The following WWOX variants were observed in gnomAD, a reference collection of about 807,000 sequenced individuals.
The protein encoded by WWOX is WW domain containing oxidoreductase.
WWOX carries 69 observed loss-of-function variants against 46.2 expected under a neutral mutation model. That is an observed-to-expected ratio of 1.49 (90% CI 1.23 to 1.82). The LOEUF (loss-of-function observed/expected upper bound fraction) is 1.82, where lower values mean the gene tolerates loss of function less well. Among genes scored for constraint, WWOX ranks in the 40% most tolerant of loss-of-function variants. WWOX has a pLI of 0.00. For synonymous variants in WWOX, 359 were observed against 202.6 expected, an observed-to-expected ratio of 1.77 and a Z score of -6.56; for missense variants, 919 against 542.6, an observed-to-expected ratio of 1.69 and a Z score of -6.89.
At chr16:79,096,579 A>C (rs1338660361) in intron 8 of WWOX, among the ~76,000 whole-genome samples, 1 of 152,088 alleles carries the variant, frequency 6.6e-6, no homozygotes, top group Non-Finnish European at 1.5e-5. Flanking sequence ...TTAAAACAGC[A>C]ATCTTCCTTC....
chr16:78,618,346 C>A (rs1201936290), intron 8 of WWOX, among the ~76,000 whole-genome samples: 2 of 152,202 alleles, frequency 1.3e-5, no homozygotes, highest in Non-Finnish European at 2.9e-5. Context: ...CCTCACAGTT[C>A]TGGAGGTTGG....
At chr16:78,407,284 A>G (rs944821916) in intron 6 of WWOX, among the ~76,000 whole-genome samples, 3 of 152,184 alleles carry the variant, frequency 2.0e-5, no homozygotes, top group African/African-American at 4.8e-5. Context: ...TCCAAATACT[A>G]TGAAGTCTTG....
chr16:78,820,092 C>G (rs539438833), intron 8 of WWOX, among the ~76,000 whole-genome samples: 55 of 152,156 alleles, frequency 3.6e-4, no homozygotes, highest in African/African-American at 1.3e-3. Flanking sequence ...CTTTGATAAC[C>G]GTGAGCACCT....
At chr16:78,919,485 T>C (rs1160143716) in intron 8 of WWOX, among the ~76,000 whole-genome samples, 2 of 151,484 alleles carry the variant, frequency 1.3e-5, no homozygotes, top group Non-Finnish European at 2.9e-5. Context: ...TCCCCTTAAG[T>C]GGCTTTCTTC....
chr16:79,140,159 A>C (rs1201366276), intron 8 of WWOX, among the ~76,000 whole-genome samples: 1 of 152,152 alleles, frequency 6.6e-6, no homozygotes, highest in Non-Finnish European at 1.5e-5. Context: ...TTTCTGGTAA[A>C]GGACTTTATC....
At chr16:78,746,126 C>G (rs556045337) in intron 8 of WWOX, among the ~76,000 whole-genome samples, 2 of 152,124 alleles carry the variant, frequency 1.3e-5, no homozygotes. Flanking sequence ...CCAAGGACAT[C>G]GTTTTGATAT....
At chr16:78,330,531 A>C (rs917592921) in intron 5 of WWOX, among the ~76,000 whole-genome samples, 1 of 151,932 alleles carries the variant, frequency 6.6e-6, no homozygotes, top group African/African-American at 2.4e-5. Context: ...CGAGTAGGTG[A>C]GACTACAGGC....
At chr16:78,623,844 C>A (rs1312442537) in intron 8 of WWOX, among the ~76,000 whole-genome samples, 1 of 151,898 alleles carries the variant, frequency 6.6e-6, no homozygotes, top group Admixed American at 6.6e-5. Flanking sequence ...TTCATACGGA[C>A]ATTATTTAGA....
At chr16:78,409,131 C>T (rs1163925302) in intron 6 of WWOX, among the ~76,000 whole-genome samples, 2 of 151,872 alleles carry the variant, frequency 1.3e-5, no homozygotes, top group African/African-American at 4.8e-5. Context: ...CAGATGTATA[C>T]ACAGTGGCTC....
chr16:78,636,352 C>G lies in WWOX; in HGVS notation c.1056+203600C>G, dbSNP rs80121835. ...CACCTTTGAATAAACCAAGTTTGGC[C>G]TCTCTGATATATTAATATATTTAAT... is the stretch of plus-strand genomic sequence containing the variant. On this transcript the variant is annotated intron_variant, in intron 8 of 8. Coordinates refer to ENST00000566780, the MANE Select transcript of WWOX (RefSeq NM_016373.4). Among the ~76,000 whole-genome samples the G allele has an allele frequency of 8.6e-3, 1,308 of 152,200 alleles. 20 individuals are homozygous for G. Among genetic ancestry groups the G allele is most frequent in the African/African-American group, 0.03 (1,250 of 41,506 alleles).
chr16:78,635,810 G>T (rs1392589275), intron 8 of WWOX, among the ~76,000 whole-genome samples: 1 of 152,162 alleles, frequency 6.6e-6, no homozygotes, highest in East Asian at 1.9e-4. Flanking sequence ...CTAGTGGAAG[G>T]CGTGCCCAAA....
chr16:78,444,906 C>G (rs180982542), intron 8 of WWOX, among the ~76,000 whole-genome samples: 59 of 152,234 alleles, frequency 3.9e-4, no homozygotes, highest in African/African-American at 1.4e-3. Flanking sequence ...TACTGTTTTT[C>G]CCTTTGTTGG....
At chr16:78,606,891 G>C (rs1034493816) in intron 8 of WWOX, among the ~76,000 whole-genome samples, 6 of 152,092 alleles carry the variant, frequency 3.9e-5, no homozygotes, top group African/African-American at 1.2e-4. Flanking sequence ...GATTGTTGGG[G>C]AGAAAAGACA....
At chr16:78,575,203 C>CATT (rs2044847420) in intron 8 of WWOX, among the ~76,000 whole-genome samples, 1 of 142,214 alleles carries the variant, frequency 7.0e-6, no homozygotes, top group African/African-American at 2.6e-5. Context: ...GGATGAGAAA[C>CATT]CATCTCTGGG....
chr16:78,276,757 G>A (rs2079586025), intron 5 of WWOX, among the ~76,000 whole-genome samples: 1 of 152,166 alleles, frequency 6.6e-6, no homozygotes, highest in African/African-American at 2.4e-5. Flanking sequence ...CCCACACCTG[G>A]CAATTTGGTG....
intron 8 of WWOX, among the ~76,000 whole-genome samples, chr16:78,939,853 T>C (rs1262392099): frequency 1.3e-5 from 2 of 152,236 alleles, no homozygotes; most frequent in Non-Finnish European, 2.9e-5. Context: ...GGCGATCTTT[T>C]TGGCATAGAC....
chr16:78,631,133 G>C (rs1049157502), intron 8 of WWOX, among the ~76,000 whole-genome samples: 4 of 152,094 alleles, frequency 2.6e-5, no homozygotes, highest in Non-Finnish European at 5.9e-5. Flanking sequence ...TTTATGTTAG[G>C]GACTTGAGCA....
chr16:78,882,815 A>G (rs1248561053), intron 8 of WWOX, among the ~76,000 whole-genome samples: 1 of 148,122 alleles, frequency 6.8e-6, no homozygotes, highest in Non-Finnish European at 1.5e-5. Context: ...AAGTTTTTAC[A>G]ATGCCACCAT....
At chr16:78,653,680 C>T (rs573078223) in intron 8 of WWOX, among the ~76,000 whole-genome samples, 1 of 152,330 alleles carries the variant, frequency 6.6e-6, no homozygotes, top group East Asian at 1.9e-4. Flanking sequence ...GTGGAAAGAA[C>T]CTGGGTGCAT....
Sources: allele counts gnomAD v4.1 joint callset (sites outside exome capture counted in the v4.1 genomes callset), GRCh38; gene constraint gnomAD v4.1.1; transcripts MANE v1.5; gene names NCBI Gene and HGNC (gene_info 2026-07-23, HGNC 2026-07-21).